PHF21B: variants seen among roughly 807,000 people sequenced by gnomAD.
PHF21B encodes the protein PHD finger protein 4.
In PHF21B, 22 loss-of-function variants were observed where a neutral mutation model predicts 62.2. That is an observed-to-expected ratio of 0.35 (90% CI 0.25 to 0.51). The LOEUF is 0.51. PHF21B is among the 20% of genes least tolerant of loss of function. PHF21B has a pLI of 0.97. For synonymous variants in PHF21B, 341 were observed against 314.7 expected, an observed-to-expected ratio of 1.08 and a Z score of -0.88; for missense variants, 701 against 707.9, an observed-to-expected ratio of 0.99 and a Z score of 0.11.
intron 2 of PHF21B, among the ~76,000 whole-genome samples, chr22:44,966,758 G>A (rs1159807037): frequency 2.0e-5 from 3 of 152,198 alleles, no homozygotes; most frequent in Admixed American, 6.5e-5. Context: ...TGTGATGGGC[G>A]ATGGCTTTGA....
At chr22:44,890,446 C>T (rs537975701) in intron 8 of PHF21B, among the ~76,000 whole-genome samples, 2 of 152,362 alleles carry the variant, frequency 1.3e-5, no homozygotes, top group African/African-American at 4.8e-5. Context: ...GGAGTCTGCA[C>T]AGCACTCGAC....
intron 2 of PHF21B, among the ~76,000 whole-genome samples, chr22:44,999,686 C>T (rs943631010): frequency 2.0e-5 from 3 of 152,064 alleles, no homozygotes; most frequent in Non-Finnish European, 2.9e-5. Context: ...GTCATTTCTC[C>T]CCCTACACGT....
intron 2 of PHF21B, among the ~76,000 whole-genome samples, chr22:44,971,907 C>T (rs1268185158): frequency 6.6e-6 from 1 of 152,256 alleles, no homozygotes; most frequent in Non-Finnish European, 1.5e-5. Flanking sequence ...GAAGCAGGCG[C>T]CCCACAGCTG....
chr22:44,992,013 C>T (rs755159453), intron 2 of PHF21B, among the ~76,000 whole-genome samples: 7 of 152,212 alleles, frequency 4.6e-5, no homozygotes, highest in Non-Finnish European at 8.8e-5. Context: ...GTTGGGGGAG[C>T]GCACTTGGTC....
At chr22:44,901,607 A>T (rs1452035138) in intron 5 of PHF21B, 2 of 348,528 alleles carry the variant, frequency 5.7e-6, no homozygotes, top group African/African-American at 2.1e-5. Flanking sequence ...GAGAAGTTGG[A>T]TACTGAGGAG....
At chr22:44,884,846 A>G (rs2070826463) in intron 12 of PHF21B, among the ~76,000 whole-genome samples, 2 of 151,498 alleles carry the variant, frequency 1.3e-5, no homozygotes, top group Non-Finnish European at 2.9e-5. Flanking sequence ...CACCATTATC[A>G]TATTCCCATC....
At chr22:44,991,598 G>A (rs1006442035) in intron 2 of PHF21B, among the ~76,000 whole-genome samples, 1 of 152,194 alleles carries the variant, frequency 6.6e-6, no homozygotes, top group African/African-American at 2.4e-5. Flanking sequence ...TCTCTGTGGG[G>A]CCAGGACATC....
At chr22:44,954,993 G>A (rs1337956798) in intron 2 of PHF21B, among the ~76,000 whole-genome samples, 1 of 152,172 alleles carries the variant, frequency 6.6e-6, no homozygotes, top group African/African-American at 2.4e-5. Context: ...CAGGCGGGGT[G>A]GAGCTTCCAG....
At chr22:44,903,719 C>A (rs1480986977) in intron 5 of PHF21B, among the ~76,000 whole-genome samples, 3 of 152,212 alleles carry the variant, frequency 2.0e-5, no homozygotes, top group Non-Finnish European at 4.4e-5. Context: ...ATGCATATCC[C>A]AAACGATGTT....
At chr22:44,921,569 G>A (rs943876600) in intron 2 of PHF21B, among the ~76,000 whole-genome samples, 3 of 151,518 alleles carry the variant, frequency 2.0e-5, no homozygotes, top group African/African-American at 7.3e-5. Context: ...GTTTCACCGT[G>A]TTAGCCAGGA....
chr22:44,900,759 A>G lies in PHF21B; in HGVS notation c.832-4676T>C, dbSNP rs187263265. 2.6e-3 allele frequency among the ~76,000 whole-genome samples: 391 copies of G among 149,510 alleles called. 2 individuals carry two copies. Among genetic ancestry groups the G allele is most frequent in the African/African-American group, 9.3e-3 (376 of 40,618 alleles). ...CTGTGGAAAAGTCAGACACCAGCTT[A>G]ACTGCTTTCCCTCTAAAGTGACTCT... On this transcript the variant is annotated intron_variant, in intron 5 of 12. Coordinates refer to ENST00000313237, the MANE Select transcript of PHF21B (RefSeq NM_138415.5).
At chr22:44,937,907 G>A (rs2071881537) in intron 2 of PHF21B, among the ~76,000 whole-genome samples, 1 of 152,262 alleles carries the variant, frequency 6.6e-6, no homozygotes, top group Non-Finnish European at 1.5e-5. Flanking sequence ...TCAACAGCGG[G>A]TGCTCTGCGG....
intron 5 of PHF21B, among the ~76,000 whole-genome samples, chr22:44,908,228 A>C (rs6006905): frequency 0.096 from 14,689 of 152,218 alleles, 749 homozygotes; most frequent in African/African-American, 0.14. Flanking sequence ...TGAGGCCAGA[A>C]GCTAGAGTGT....
intron 5 of PHF21B, among the ~76,000 whole-genome samples, chr22:44,900,664 C>T (rs993070921): frequency 6.6e-6 from 1 of 152,144 alleles, no homozygotes; most frequent in African/African-American, 2.4e-5. Flanking sequence ...AAATGAAATC[C>T]TTGGCTTGTT....
At chr22:44,995,936 G>A (rs758528977) in intron 2 of PHF21B, among the ~76,000 whole-genome samples, 2 of 152,230 alleles carry the variant, frequency 1.3e-5, no homozygotes, top group African/African-American at 2.4e-5. Flanking sequence ...CGGAGGGGAC[G>A]TGGCAAGGGG....
chr22:44,949,792 C>T (rs1198562511), intron 2 of PHF21B, among the ~76,000 whole-genome samples: 2 of 152,216 alleles, frequency 1.3e-5, no homozygotes, highest in Non-Finnish European at 2.9e-5. Flanking sequence ...AAGGCATGCA[C>T]TTTGCTGTGG....
intron 2 of PHF21B, among the ~76,000 whole-genome samples, chr22:45,007,014 ACTCC>A (rs2073326358): frequency 6.6e-6 from 1 of 151,624 alleles, no homozygotes; most frequent in East Asian, 2.0e-4. Context: ...CCCCCCGCCA[ACTCC>A]CCGACTTCGC....
chr22:44,979,410 T>G (rs186004261), intron 2 of PHF21B, among the ~76,000 whole-genome samples: 34 of 152,332 alleles, frequency 2.2e-4, no homozygotes, highest in Admixed American at 1.6e-3. Context: ...GGAGGCAGTC[T>G]TAAGGACAGG....
chr22:44,890,284 G>A (rs970177101), intron 8 of PHF21B, among the ~76,000 whole-genome samples: 1 of 152,170 alleles, frequency 6.6e-6, no homozygotes, highest in South Asian at 2.1e-4. Flanking sequence ...CCCTCAAAGT[G>A]ACTTATTTTC....
Sources: gnomAD v4.1 joint callset for allele counts (sites outside exome capture counted in the v4.1 genomes callset) on GRCh38, gnomAD v4.1.1 for gene constraint, MANE v1.5 for transcripts, NCBI Gene and HGNC (gene_info 2026-07-23, HGNC 2026-07-21) for gene names.